Variants in HIKESHI observed in about 807,000 individuals in gnomAD.
HIKESHI encodes protein Hikeshi.
A neutral mutation model predicts 25.7 loss-of-function variants in HIKESHI; 13 were observed. The ratio of observed to expected loss-of-function variants is 0.51; its 90% CI spans 0.33 to 0.80. HIKESHI has a LOEUF of 0.80. Ranked by LOEUF, HIKESHI falls within the 30% of genes least tolerant of loss-of-function variation. The pLI is 0.02. For missense variants in HIKESHI, 174 were observed against 229.5 expected (o/e 0.76, Z 1.56); for synonymous variants, 76 against 78.7 (o/e 0.97, Z 0.18).
In HIKESHI at chr11:86,303,504, C is replaced by T. The variant is rs994078683; in HGVS notation, c.30+1026C>T. 3.5e-5 allele frequency: 17 copies of T among 479,988 alleles called. No individual in the cohort carries two copies. The African/African-American group carries it at 3.6e-4, about 10-fold the overall frequency. The allele number at this position is 479,988 out of a possible 1,614,324, so 29.7% of individuals were successfully genotyped here. Reference sequence around the variant, plus strand: ...GCTCTTAATAGGGAAAAAGGACAAACCTGGAATGATTGTGTGACTCAGACG... The same window carrying T: ...GCTCTTAATAGGGAAAAAGGACAAATCTGGAATGATTGTGTGACTCAGACG... On this transcript the variant is annotated intron_variant, in intron 1 of 4. Transcript: ENST00000278483.
chr11:86,306,175 T>A (rs1593800168), intron 1 of HIKESHI, 70 bp from the exon 2 acceptor site: 1 of 985,590 alleles, frequency 1.0e-6, no homozygotes, highest in East Asian at 2.4e-5. Context: ...ATATAACTTA[T>A]AAATGATACT....
chr11:86,304,512 C>CTTTTT (rs35545393), intron 1 of HIKESHI, among the ~76,000 whole-genome samples: 6 of 112,552 alleles, frequency 5.3e-5, no homozygotes, highest in East Asian at 2.7e-4. Flanking sequence ...GCACAACTCA[C>CTTTTT]TTTTTTTTTT....
At chr11:86,305,094 G>A (rs1035578799) in intron 1 of HIKESHI, among the ~76,000 whole-genome samples, 2 of 152,158 alleles carry the variant, frequency 1.3e-5, no homozygotes, top group African/African-American at 4.8e-5. Context: ...TGACATCCTG[G>A]GTTCAAGTGA....
intron 2 of HIKESHI, among the ~76,000 whole-genome samples, chr11:86,316,232 C>T (rs1446971356): frequency 2.6e-5 from 4 of 151,674 alleles, no homozygotes; most frequent in East Asian, 1.9e-4. Context: ...AAAAGAAGGC[C>T]GGGTGTGGTG....
rs1947371662 is a variant in HIKESHI, at chr11:86,329,644, G to GT, written c.269-7734dup. Reference sequence around the variant, plus strand: ...TCAAACACCATTTTGAATAGAAGTGGTAAGAGTGCAATGAGATAAACATAA... The same window carrying GT: ...TCAAACACCATTTTGAATAGAAGTGGTTAAGAGTGCAATGAGATAAACATAA... On this transcript the variant is annotated intron_variant, in intron 2 of 4. Transcript: ENST00000278483. Among the ~76,000 whole-genome samples, 2 of 151,490 alleles carry GT rather than the reference G, an allele frequency of 1.3e-5. 1 individual carries two copies. The highest frequency in any genetic ancestry group is 3.9e-4 in the East Asian group (2 of 5,172).
At chr11:86,337,641 T>G (rs1947606785) in intron 3 of HIKESHI, 111 bp downstream of exon 3, 1 of 1,172,960 alleles carries the variant, frequency 8.5e-7, no homozygotes, top group Admixed American at 2.7e-5. Flanking sequence ...TTTTGATACA[T>G]GTTTACATTT....
chr11:86,322,957 G>A (rs536034665), intron 2 of HIKESHI, among the ~76,000 whole-genome samples: 2 of 152,214 alleles, frequency 1.3e-5, no homozygotes, highest in Admixed American at 6.5e-5. Context: ...GGCTGGGCAC[G>A]GTAGCTCATG....
chr11:86,337,285 G>A, intron 2 of HIKESHI, 94 bp from the exon 3 acceptor site: 1 of 1,196,752 alleles, frequency 8.4e-7, no homozygotes, highest in Non-Finnish European at 1.2e-6. Context: ...ACTTTTTCAT[G>A]TATATAAATT....
In HIKESHI at chr11:86,308,293, CATATAATATATATTAT is replaced by C. The variant is rs1565720544; in HGVS notation, c.268+1818_268+1833del. On this transcript the variant is annotated intron_variant, in intron 2 of 4. Coordinates refer to ENST00000278483, the MANE Select transcript of HIKESHI (RefSeq NM_016401.4). ...TGTATTATATATAAAATATATATTA[CATATAATATATATTAT>C]ATATAAAATATATATTACATATAAA... is the stretch of plus-strand genomic sequence containing the variant. Among the ~76,000 whole-genome samples the C allele has an allele frequency of 1.4e-3, 126 of 87,172 alleles. 6 individuals are homozygous for C. Among genetic ancestry groups the C allele is most frequent in the African/African-American group, 6.4e-3 (111 of 17,232 alleles). The allele number at this position is 87,172 out of a possible 152,430, so 57.2% of individuals were successfully genotyped here.
Position 86,345,629 on chromosome 11 carries a change from G to A in HIKESHI, c.585G>A (p.Trp195Ter). 6.5e-7 allele frequency: 1 copy of A among 1,543,686 alleles called. No individual in the cohort carries two copies. The highest frequency in any genetic ancestry group is 8.8e-7 in the Non-Finnish European group (1 of 1,131,432). ...GACTAGCACAGAACCCTCTCTTTTGGAAAACATAATTTGAATAAAATAATT... is the reference window on the plus strand; with the variant it reads ...GACTAGCACAGAACCCTCTCTTTTGAAAAACATAATTTGAATAAAATAATT... ...QRRLAQNPLF[W>*]KT The change falls in exon 5 of 5, where the codon TGG (tryptophan) becomes TGA (stop). Residue 195 changes from tryptophan to a stop codon, truncating the protein, a stop_gained. Coordinates refer to ENST00000278483, the MANE Select transcript of HIKESHI (RefSeq NM_016401.4). LOFTEE classifies it high-confidence loss of function.
chr11:86,332,605 A>G (rs1947453513), intron 2 of HIKESHI, among the ~76,000 whole-genome samples: 1 of 152,226 alleles, frequency 6.6e-6, no homozygotes. Flanking sequence ...TCATCCAGGA[A>G]ATTATTTTAT....
rs187576021 is a variant in HIKESHI, at chr11:86,311,324, C to T, written c.268+4842C>T. Reference sequence around the variant, plus strand: ...GTGTCAAGGAATTTATCCATTTCTTCTAGATTTTCTAGTTTATTTGCGTAG... The same window carrying T: ...GTGTCAAGGAATTTATCCATTTCTTTTAGATTTTCTAGTTTATTTGCGTAG... On this transcript the variant is annotated intron_variant, in intron 2 of 4. Transcript: ENST00000278483. 2.0e-5 allele frequency among the ~76,000 whole-genome samples: 3 copies of T among 152,296 alleles called. No individual in the cohort carries two copies. In the East Asian group the frequency reaches 5.8e-4, roughly 29 times the overall value.
chr11:86,306,605 C>A, intron 2 of HIKESHI, 123 bp downstream of exon 2: 1 of 602,964 alleles, frequency 1.7e-6, no homozygotes, highest in Non-Finnish European at 2.8e-6. Flanking sequence ...TAATACAAAA[C>A]ATTGTTTTTT....
chr11:86,318,455 CAT>C, intron 2 of HIKESHI, among the ~76,000 whole-genome samples: 1 of 151,840 alleles, frequency 6.6e-6, no homozygotes, highest in East Asian at 1.9e-4. Flanking sequence ...ACAAATTGTT[CAT>C]ATTTTCTATA....
intron 2 of HIKESHI, among the ~76,000 whole-genome samples, chr11:86,319,359 T>G (rs1434822887): frequency 6.7e-6 from 1 of 149,960 alleles, no homozygotes; most frequent in East Asian, 2.0e-4. Flanking sequence ...CACCTCAGCC[T>G]CCCGAGGAGC....
intron 2 of HIKESHI, among the ~76,000 whole-genome samples, chr11:86,318,655 A>T (rs531149857): frequency 9.9e-5 from 15 of 152,262 alleles, no homozygotes; most frequent in Non-Finnish European, 2.1e-4. Context: ...TATTTAAAAA[A>T]TTTTTATTAC....
Position 86,344,349 on chromosome 11 carries a change from T to C in HIKESHI, c.421-254T>C, listed in dbSNP as rs553814061. ...TTATTCATTTATTTAATTTTATTTT[T>C]TTGACACAGGGCCTCACTATGTTGC... On this transcript the variant is annotated intron_variant, in intron 3 of 4. Coordinates refer to ENST00000278483, the MANE Select transcript of HIKESHI (RefSeq NM_016401.4). The C allele has an allele frequency of 3.3e-4, 118 of 353,974 alleles. 1 individual carries two copies. Among genetic ancestry groups the C allele is most frequent in the African/African-American group, 2.2e-3 (104 of 47,964 alleles). The allele number at this position is 353,974 out of a possible 1,614,324, so 21.9% of individuals were successfully genotyped here. A position where few individuals can be genotyped will look rare whatever the true frequency, so the allele number is the denominator to read the frequency against.
At chr11:86,344,915 G>A (rs1021752924) in intron 4 of HIKESHI, 194 bp downstream of exon 4, 23 of 527,692 alleles carry the variant, frequency 4.4e-5, no homozygotes, top group East Asian at 1.5e-4. Flanking sequence ...TTATATTGTC[G>A]CCATTATGAA....
intron 1 of HIKESHI, among the ~76,000 whole-genome samples, chr11:86,304,291 A>G (rs1021694839): frequency 3.9e-5 from 6 of 152,142 alleles, no homozygotes; most frequent in African/African-American, 7.2e-5. Context: ...AACTTACCTA[A>G]CACACATATT....
Sources: allele counts gnomAD v4.1 joint callset (sites outside exome capture counted in the v4.1 genomes callset), GRCh38; gene constraint gnomAD v4.1.1; transcripts MANE v1.5; gene names NCBI Gene and HGNC (gene_info 2026-07-23, HGNC 2026-07-21).